OSTF1: variants seen among roughly 807,000 people sequenced by gnomAD.
The protein encoded by OSTF1 is osteoclast stimulating factor 1, also known as osteoclast-stimulating factor 1.
In OSTF1, 27 loss-of-function variants were observed where a neutral mutation model predicts 37.2. That is an observed-to-expected ratio of 0.73 (90% confidence interval 0.54 to 1.00). The LOEUF is 1.00. Among genes scored for constraint, OSTF1 ranks in the 50% least tolerant of loss-of-function variants. The pLI, the probability that OSTF1 is intolerant of heterozygous loss-of-function variation, is 0.00. For synonymous variants in OSTF1, 82 were observed against 89.2 expected, an observed-to-expected ratio of 0.92 and a Z score of 0.46; for missense variants, 232 against 253.8, an observed-to-expected ratio of 0.91 and a Z score of 0.58.
intron 9 of OSTF1, among the ~76,000 whole-genome samples, chr9:75,142,316 T>TA (rs1825956244): frequency 6.6e-6 from 1 of 152,126 alleles, no homozygotes; most frequent in Non-Finnish European, 1.5e-5. Context: ...GTGAGAGACA[T>TA]ACTTCTGCTT....
At chr9:75,139,054 C>CTTTCTTTCTTTTTCTTTCTTCTTT (rs1465270702) in intron 8 of OSTF1, among the ~76,000 whole-genome samples, 1 of 109,512 alleles carries the variant, frequency 9.1e-6, no homozygotes, top group South Asian at 3.1e-4. Context: ...TTCTTTCTTT[C>CTTTCTTTCTTTTTCTTTCTTCTTT]TTTTTTTTTT....
chr9:75,108,975 TAA>T (rs1463327695), intron 1 of OSTF1, among the ~76,000 whole-genome samples: 2 of 152,078 alleles, frequency 1.3e-5, no homozygotes, highest in African/African-American at 4.8e-5. Context: ...ATTTTAGTAA[TAA>T]GAGTGTAATT....
chr9:75,096,125 T>C, intron 1 of OSTF1, among the ~76,000 whole-genome samples: 1 of 152,202 alleles, frequency 6.6e-6, no homozygotes, highest in South Asian at 2.1e-4. Context: ...TCTCCTGACC[T>C]CCGTGATCCA....
intron 3 of OSTF1, among the ~76,000 whole-genome samples, chr9:75,128,863 A>G (rs1385229534): frequency 6.6e-6 from 1 of 151,908 alleles, no homozygotes; most frequent in Non-Finnish European, 1.5e-5. Flanking sequence ...TGCAAGGATC[A>G]CATTGTATTT....
chr9:75,116,605 CT>C (rs75110694), intron 1 of OSTF1, among the ~76,000 whole-genome samples: 35,775 of 122,792 alleles, frequency 0.29, 4,672 homozygotes, highest in African/African-American at 0.32. Context: ...CCAATGGGTC[CT>C]TTTTTTTTTT....
intron 6 of OSTF1, 64 bp downstream of exon 6, chr9:75,133,465 A>G: frequency 2.1e-6 from 2 of 956,158 alleles, no homozygotes; most frequent in Middle Eastern, 4.7e-4. Flanking sequence ...TACGGGAGCC[A>G]GATTTACAAA....
chr9:75,140,481 C>A (rs1174242473), intron 8 of OSTF1, among the ~76,000 whole-genome samples: 5 of 152,180 alleles, frequency 3.3e-5, no homozygotes, highest in African/African-American at 1.2e-4. Context: ...CCCTCAAGCA[C>A]TATCCACTTG....
intron 3 of OSTF1, among the ~76,000 whole-genome samples, chr9:75,128,363 CATATATATATATATAT>C (rs1174174895): frequency 0.011 from 130 of 11,518 alleles, 4 homozygotes; most frequent in Admixed American, 0.022. Context: ...GTATGAAAGA[CATATATATATATATAT>C]ATATATATAT....
chr9:75,109,495 G>A (rs761279785), intron 1 of OSTF1, among the ~76,000 whole-genome samples: 5 of 152,180 alleles, frequency 3.3e-5, no homozygotes, highest in African/African-American at 1.2e-4. Context: ...TCACAAAACT[G>A]TAATTTCTTC....
intron 1 of OSTF1, among the ~76,000 whole-genome samples, chr9:75,097,087 A>G (rs2118394273): frequency 6.6e-6 from 1 of 152,354 alleles, no homozygotes; most frequent in Middle Eastern, 3.4e-3. Context: ...GAAAGTGTCC[A>G]TGAAACTTTG....
intron 1 of OSTF1, among the ~76,000 whole-genome samples, chr9:75,094,662 A>AT (rs945900507): frequency 7.1e-6 from 1 of 141,726 alleles, no homozygotes; most frequent in African/African-American, 2.5e-5. Flanking sequence ...GAAAGACTAC[A>AT]TTAAAAAAAA....
chr9:75,136,828 G>A (rs1187581435), intron 7 of OSTF1, among the ~76,000 whole-genome samples: 1 of 152,114 alleles, frequency 6.6e-6, no homozygotes, highest in African/African-American at 2.4e-5. Context: ...TAATGAAAGT[G>A]ACACTCCTTC....
chr9:75,097,274 A>G (rs572837319), intron 1 of OSTF1, among the ~76,000 whole-genome samples: 2 of 152,228 alleles, frequency 1.3e-5, no homozygotes, highest in Non-Finnish European at 2.9e-5. Flanking sequence ...AATGTGAGGT[A>G]GGAGTCACTA....
chr9:75,139,061 T>TCTTTTCTTTTCTTTTCTTTTCTTTTC (rs1825895719), intron 8 of OSTF1, among the ~76,000 whole-genome samples: 1 of 140,976 alleles, frequency 7.1e-6, no homozygotes, highest in African/African-American at 2.8e-5. Context: ...TTTCTTTTTT[T>TCTTTTCTTTTCTTTTCTTTTCTTTTC]TTTGAAACTG....
intron 9 of OSTF1, 67 bp downstream of exon 9, chr9:75,140,999 C>G (rs559092136): frequency 8.6e-7 from 1 of 1,161,110 alleles, no homozygotes; most frequent in Non-Finnish European, 1.3e-6. Flanking sequence ...CTTAGAATGG[C>G]GCAAAAGAGA....
intron 8 of OSTF1, 88 bp from the exon 9 acceptor site, chr9:75,140,746 C>A: frequency 1.2e-6 from 1 of 836,672 alleles, no homozygotes; most frequent in Non-Finnish European, 1.9e-6. Context: ...GTTTATTTTG[C>A]CAAAAGTTGT....
intron 1 of OSTF1, among the ~76,000 whole-genome samples, chr9:75,102,120 C>T (rs1160894701): frequency 6.6e-6 from 1 of 152,166 alleles, no homozygotes; most frequent in Non-Finnish European, 1.5e-5. Flanking sequence ...GCGCACATTA[C>T]TGTCCCAACT....
rs141484537 is a variant in OSTF1, at chr9:75,112,695, T to A, written c.35-4809T>A. ...ACAATTACAAAAATCAGTGGTTTAG[T>A]CACATCCACATATTTGTTTTCAGGT... On this transcript the variant is annotated intron_variant, in intron 1 of 9. Transcript: ENST00000346234. Among the ~76,000 whole-genome samples the A allele has an allele frequency of 7.4e-3, 1,128 of 152,352 alleles. 10 individuals carry two copies. Among genetic ancestry groups the A allele is most frequent in the African/African-American group, 0.026 (1,090 of 41,576 alleles).
chr9:75,099,156 T>G (rs1825144562), intron 1 of OSTF1, among the ~76,000 whole-genome samples: 1 of 152,172 alleles, frequency 6.6e-6, no homozygotes, highest in African/African-American at 2.4e-5. Context: ...CAGGCTGGTC[T>G]CGAACTCCTG....
Sources: gnomAD v4.1 joint callset for allele counts (sites outside exome capture counted in the v4.1 genomes callset) on GRCh38, gnomAD v4.1.1 for gene constraint, MANE v1.5 for transcripts, NCBI Gene and HGNC (gene_info 2026-07-23, HGNC 2026-07-21) for gene names.